Variants in VWC2L observed in about 807,000 individuals in gnomAD.
VWC2L encodes von Willebrand factor C domain-containing protein 2-like.
In VWC2L, 10 loss-of-function variants were observed where a neutral mutation model predicts 21.6. The observed-to-expected ratio is 0.46, with a 90% CI of 0.29 to 0.78. The LOEUF (loss-of-function observed/expected upper bound fraction) is 0.78. VWC2L is among the 30% of genes least tolerant of loss of function. VWC2L has a pLI of 0.10. For missense variants in VWC2L, 209 were observed against 277.1 expected, an observed-to-expected ratio of 0.75 and a Z score of 1.74; for synonymous variants, 96 against 94.3, an observed-to-expected ratio of 1.02 and a Z score of -0.10.
intron 3 of VWC2L, among the ~76,000 whole-genome samples, chr2:214,570,923 G>A (rs1690140466): frequency 6.6e-6 from 1 of 152,070 alleles, no homozygotes; most frequent in Non-Finnish European, 1.5e-5. Flanking sequence ...CTTTTTGGTT[G>A]GTCTATGTCC....
intron 3 of VWC2L, among the ~76,000 whole-genome samples, chr2:214,504,228 A>C (rs1269697605): frequency 6.6e-6 from 1 of 152,228 alleles, no homozygotes; most frequent in Non-Finnish European, 1.5e-5. Context: ...GAGAAGGGTG[A>C]AATCAGAATG....
At chr2:214,467,613 A>T (rs1316764088) in intron 3 of VWC2L, among the ~76,000 whole-genome samples, 1 of 152,100 alleles carries the variant, frequency 6.6e-6, no homozygotes, top group East Asian at 1.9e-4. Flanking sequence ...CACTGTTACT[A>T]TACCTTGGCC....
chr2:214,508,487 A>G (rs1446664073), intron 3 of VWC2L, among the ~76,000 whole-genome samples: 1 of 152,188 alleles, frequency 6.6e-6, no homozygotes, highest in Non-Finnish European at 1.5e-5. Flanking sequence ...TGCTCATAGG[A>G]TGATTCTAAA....
chr2:214,462,327 C>A (rs978524509), intron 3 of VWC2L, among the ~76,000 whole-genome samples: 1 of 152,246 alleles, frequency 6.6e-6, no homozygotes, highest in Non-Finnish European at 1.5e-5. Context: ...TACCCTGTCC[C>A]TGCACTGGAA....
intron 3 of VWC2L, among the ~76,000 whole-genome samples, chr2:214,492,971 C>G (rs765419495): frequency 6.6e-6 from 1 of 152,070 alleles, no homozygotes; most frequent in Non-Finnish European, 1.5e-5. Flanking sequence ...CCTGGCCAAG[C>G]GTTTATCAAT....
intron 3 of VWC2L, among the ~76,000 whole-genome samples, chr2:214,575,427 A>AT (rs370433665): frequency 3.0e-4 from 46 of 152,060 alleles, no homozygotes; most frequent in African/African-American, 8.4e-4. Flanking sequence ...AGAAAATACG[A>AT]TTTTTTTTGA....
At chr2:214,452,105 A>G (rs1702964821) in intron 3 of VWC2L, among the ~76,000 whole-genome samples, 1 of 152,016 alleles carries the variant, frequency 6.6e-6, no homozygotes, top group African/African-American at 2.4e-5. Context: ...AGCACTCTGT[A>G]TGCATGGAAT....
chr2:214,524,936 T>C (rs1356702658), intron 3 of VWC2L, among the ~76,000 whole-genome samples: 1 of 151,052 alleles, frequency 6.6e-6, no homozygotes, highest in African/African-American at 2.4e-5. Flanking sequence ...GGCTGGCTTT[T>C]TTTTTTTTCT....
intron 3 of VWC2L, among the ~76,000 whole-genome samples, chr2:214,524,028 T>C (rs946847219): frequency 6.6e-6 from 1 of 152,170 alleles, no homozygotes; most frequent in Non-Finnish European, 1.5e-5. Flanking sequence ...TCTTATATAG[T>C]CATAAAGTTA....
At chr2:214,502,859 G>C (rs1230787792) in intron 3 of VWC2L, among the ~76,000 whole-genome samples, 1 of 151,988 alleles carries the variant, frequency 6.6e-6, no homozygotes, top group African/African-American at 2.4e-5. Context: ...CCTGCTTCCA[G>C]TAAAAAGCTT....
rs1455429195 is a variant in VWC2L at position 214,411,272 on chromosome 2, C to T, written c.-595C>T. The T allele has an allele frequency of 6.6e-6, 1 of 152,210 alleles. No individual in the cohort carries two copies. Among genetic ancestry groups the T allele is most frequent in the Admixed American group, 6.5e-5 (1 of 15,282 alleles). The allele number at this position is 152,210 out of a possible 1,614,324, so 9.4% of individuals were successfully genotyped here. A position where few individuals can be genotyped will look rare whatever the true frequency, so the allele number is the denominator to read the frequency against. ...TCCGGTGTGTAAGAGGGGATTCAAG[C>T]AACACACTGTGGACGATGGTGATGG... On this transcript the variant is annotated 5_prime_UTR_variant, in exon 1 of 4. Transcript: ENST00000312504.
At chr2:214,416,569 T>C (rs1334359037) in intron 2 of VWC2L, among the ~76,000 whole-genome samples, 1 of 152,062 alleles carries the variant, frequency 6.6e-6, no homozygotes, top group African/African-American at 2.4e-5. Context: ...ACCAAAAAAG[T>C]ATAAATTACT....
At chr2:214,541,627 G>A (rs185452628) in intron 3 of VWC2L, among the ~76,000 whole-genome samples, 1 of 152,182 alleles carries the variant, frequency 6.6e-6, no homozygotes, top group East Asian at 1.9e-4. Flanking sequence ...TTGCATTCTC[G>A]CTCTGCCACA....
intron 3 of VWC2L, among the ~76,000 whole-genome samples, chr2:214,552,985 T>C (rs1005986511): frequency 2.0e-5 from 3 of 152,214 alleles, no homozygotes; most frequent in African/African-American, 7.2e-5. Context: ...GCAAGAAACA[T>C]GGGCACCATC....
intron 3 of VWC2L, among the ~76,000 whole-genome samples, chr2:214,534,978 C>T (rs1169710746): frequency 6.6e-6 from 1 of 152,100 alleles, no homozygotes; most frequent in African/African-American, 2.4e-5. Flanking sequence ...GACTGCCTGA[C>T]CCATTCAGTT....
intron 3 of VWC2L, among the ~76,000 whole-genome samples, chr2:214,455,949 C>T (rs186358550): frequency 1.2e-4 from 19 of 152,236 alleles, no homozygotes; most frequent in African/African-American, 4.6e-4. Context: ...TTGACAGACA[C>T]TTTGGTTGAT....
At chr2:214,544,204 C>T (rs573149875) in intron 3 of VWC2L, among the ~76,000 whole-genome samples, 4 of 152,288 alleles carry the variant, frequency 2.6e-5, no homozygotes, top group African/African-American at 7.2e-5. Flanking sequence ...GAATGGATTG[C>T]CGTGCCATAT....
At chr2:214,517,170 G>T (rs1033220425) in intron 3 of VWC2L, among the ~76,000 whole-genome samples, 1 of 152,232 alleles carries the variant, frequency 6.6e-6, no homozygotes, top group South Asian at 2.1e-4. Flanking sequence ...GTCTTAGCAT[G>T]TAACACAGTT....
intron 3 of VWC2L, among the ~76,000 whole-genome samples, chr2:214,506,737 G>A (rs1018123610): frequency 6.6e-6 from 1 of 152,012 alleles, no homozygotes; most frequent in Admixed American, 6.6e-5. Flanking sequence ...CAAGAGTCAA[G>A]TTTAAAATAT....
Sources: allele counts gnomAD v4.1 joint callset (sites outside exome capture counted in the v4.1 genomes callset), GRCh38; gene constraint gnomAD v4.1.1; transcripts MANE v1.5; gene names NCBI Gene and HGNC (gene_info 2026-07-23, HGNC 2026-07-21).